PGBD5: variants seen among roughly 807,000 people sequenced by gnomAD.
PGBD5 encodes piggyBac transposable element derived 5.
Under a neutral mutation model 47.9 loss-of-function variants are expected in PGBD5, and 14 were observed. The observed-to-expected ratio is 0.29, with a 90% CI of 0.19 to 0.46. PGBD5 has a LOEUF of 0.46. Ranked by LOEUF, PGBD5 falls within the 20% of genes least tolerant of loss-of-function variation. The pLI, the probability that PGBD5 is intolerant of heterozygous loss-of-function variation, is 1.00. For missense variants in PGBD5, 635 were observed against 716.0 expected, an observed-to-expected ratio of 0.89 and a Z score of 1.29; for synonymous variants, 316 against 306.3, an observed-to-expected ratio of 1.03 and a Z score of -0.33.
At chr1:230,418,384 T>C (rs1657571385) in intron 1 of PGBD5, among the ~76,000 whole-genome samples, 1 of 152,192 alleles carries the variant, frequency 6.6e-6, no homozygotes, top group African/African-American at 2.4e-5. Flanking sequence ...TATGGATGAA[T>C]CTTACAGGTA....
intron 4 of PGBD5, among the ~76,000 whole-genome samples, chr1:230,336,794 G>T (rs72763864): frequency 0.028 from 4,259 of 151,364 alleles, 76 homozygotes; most frequent in Non-Finnish European, 0.042. Flanking sequence ...TGTGTCCAGG[G>T]GACGCAGGCT....
intron 1 of PGBD5, chr1:230,362,368 T>C (rs1436816816): frequency 1.5e-6 from 2 of 1,366,210 alleles, no homozygotes; most frequent in Non-Finnish European, 2.0e-6. Flanking sequence ...CAGCTGTCGC[T>C]GCCTCTGGCC....
At chr1:230,388,022 G>GT (rs1656689678) in intron 1 of PGBD5, among the ~76,000 whole-genome samples, 1 of 152,266 alleles carries the variant, frequency 6.6e-6, no homozygotes, top group African/African-American at 2.4e-5. Context: ...AGTGATGGAC[G>GT]TAACTCAGTG....
rs778676916 is a variant in PGBD5, at chr1:230,323,626, G to A, written c.1380-6C>T. On this transcript the variant is annotated splice_polypyrimidine_tract_variant and splice_region_variant and intron_variant, in intron 6 of 6. Transcript: ENST00000391860. The surrounding 1 kb of genome is among the most constrained non-coding windows in gnomAD (Gnocchi z 4.1). ...GTTTATGAGAAATGAAATACCTGAG[G>A]ACAGAGGGAATAAGAACGGCTGACC... 3.7e-6 allele frequency: 6 copies of A among 1,611,750 alleles called. No individual in the cohort carries two copies. The highest frequency in any genetic ancestry group is 5.1e-6 in the Non-Finnish European group (6 of 1,178,640).
chr1:230,359,467 GT>G (rs1425658055), intron 1 of PGBD5, among the ~76,000 whole-genome samples: 1 of 152,188 alleles, frequency 6.6e-6, no homozygotes, highest in Admixed American at 6.5e-5. Flanking sequence ...TGAAAAACAA[GT>G]TTCTGCAGAA....
intron 1 of PGBD5, among the ~76,000 whole-genome samples, chr1:230,393,634 G>A (rs1372146834): frequency 7.2e-5 from 11 of 151,968 alleles, no homozygotes; most frequent in Non-Finnish European, 1.3e-4. Context: ...TCAGGAGATC[G>A]AGACCACGGT....
intron 1 of PGBD5, among the ~76,000 whole-genome samples, chr1:230,381,232 C>T (rs1207396172): frequency 4.6e-5 from 7 of 152,352 alleles, no homozygotes; most frequent in Admixed American, 3.3e-4. Context: ...AAGCCCAGAG[C>T]ACTTCCTTTC....
chr1:230,405,593 G>A (rs1273167533), intron 1 of PGBD5, among the ~76,000 whole-genome samples: 1 of 152,224 alleles, frequency 6.6e-6, no homozygotes, highest in Non-Finnish European at 1.5e-5. Flanking sequence ...ATTTTTGGCT[G>A]TGTGGGAGGT....
intron 1 of PGBD5, among the ~76,000 whole-genome samples, chr1:230,363,430 A>G (rs373369461): frequency 1.3e-5 from 2 of 152,216 alleles, no homozygotes; most frequent in African/African-American, 4.8e-5. Flanking sequence ...AAAAATACAA[A>G]AATTAGCTGG....
intron 1 of PGBD5, among the ~76,000 whole-genome samples, chr1:230,399,538 A>G (rs1313841185): frequency 6.6e-6 from 1 of 152,182 alleles, no homozygotes; most frequent in Non-Finnish European, 1.5e-5. Flanking sequence ...AGGCAGGTAC[A>G]TGCCATCTCC....
chr1:230,371,869 G>A (rs955272004), intron 1 of PGBD5, among the ~76,000 whole-genome samples: 40 of 152,290 alleles, frequency 2.6e-4, no homozygotes, highest in Non-Finnish European at 4.6e-4. Flanking sequence ...CTGCCCTACC[G>A]CGGAAGCTCG....
In PGBD5 at chr1:230,314,579, ATCTTT is replaced by A. The variant is rs1432877773; in HGVS notation, c.*8841_*8845del. ...CCACATGACAAAATGCTTGAATTAA[ATCTTT>A]TTTTTTTTTTTTTTTTTTTTTGCCA... is the stretch of plus-strand genomic sequence containing the variant. On this transcript the variant is annotated 3_prime_UTR_variant, in exon 7 of 7. Coordinates refer to ENST00000391860, the MANE Select transcript of PGBD5 (RefSeq NM_001258311.2). 87 of 123,372 alleles carry A rather than the reference ATCTTT, an allele frequency of 7.1e-4. No homozygotes were observed. The highest frequency in any genetic ancestry group is 2.5e-3 in the African/African-American group (84 of 33,336). 7.6% of individuals were successfully genotyped at this position (123,372 alleles called of 1,614,324 possible). A position where few individuals can be genotyped will look rare whatever the true frequency, so the allele number is the denominator to read the frequency against.
Position 230,355,588 on chromosome 1 carries a change from A to C in PGBD5, c.759+1306T>G, listed in dbSNP as rs536619706. 2.0e-4 allele frequency among the ~76,000 whole-genome samples: 30 copies of C among 152,348 alleles called. No individual in the cohort carries two copies. In the South Asian group the frequency reaches 6.2e-3, roughly 32 times the overall value. On this transcript the variant is annotated intron_variant, in intron 2 of 6. Transcript: ENST00000391860. ...GGTACCACAGGGCCTGTTACAGGGC[A>C]GAGCTCATGTCCTCGAAAGTCTCCA...
At chr1:230,390,184 C>T (rs947440655) in intron 1 of PGBD5, among the ~76,000 whole-genome samples, 2 of 152,146 alleles carry the variant, frequency 1.3e-5, no homozygotes, top group Non-Finnish European at 1.5e-5. Context: ...CCTCGCTCTG[C>T]CCACCATAAG....
chr1:230,355,814 C>T (rs191589926), intron 2 of PGBD5, among the ~76,000 whole-genome samples: 1 of 152,248 alleles, frequency 6.6e-6, no homozygotes, highest in East Asian at 1.9e-4. Context: ...GCTGCAAACA[C>T]TTGGAAATCA....
intron 2 of PGBD5, among the ~76,000 whole-genome samples, chr1:230,353,008 A>C (rs1197968535): frequency 6.6e-6 from 1 of 152,182 alleles, no homozygotes; most frequent in East Asian, 1.9e-4. Context: ...ATCAGTTGCA[A>C]ATTTATATTT....
chr1:230,327,844 G>A (rs978489398), intron 5 of PGBD5, among the ~76,000 whole-genome samples: 4 of 152,200 alleles, frequency 2.6e-5, no homozygotes, highest in African/African-American at 4.8e-5. Flanking sequence ...GACCGAGTAG[G>A]AGTAACCCCT....
chr1:230,415,478 C>T (rs1436511429), intron 1 of PGBD5, among the ~76,000 whole-genome samples: 1 of 152,142 alleles, frequency 6.6e-6, no homozygotes, highest in Non-Finnish European at 1.5e-5. Context: ...ATTCCATTTG[C>T]AGTTGCTTTT....
intron 2 of PGBD5, 50 bp downstream of exon 2, chr1:230,356,844 G>T (rs370183000): frequency 2.5e-6 from 4 of 1,571,830 alleles, no homozygotes; most frequent in Non-Finnish European, 3.5e-6. Context: ...AGGCTAGGCC[G>T]AGAGAGCGAG....
Sources: allele counts gnomAD v4.1 joint callset (sites outside exome capture counted in the v4.1 genomes callset), GRCh38; gene constraint gnomAD v4.1.1; non-coding constraint Gnocchi (gnomAD v3.1); transcripts MANE v1.5; gene names NCBI Gene and HGNC (gene_info 2026-07-23, HGNC 2026-07-21).